The following FER1L6 variants were observed in gnomAD, a reference collection of about 807,000 sequenced individuals.
FER1L6 encodes fer-1-like protein 6.
In FER1L6, 177 loss-of-function variants were observed where a neutral mutation model predicts 219.2. That is an observed-to-expected ratio of 0.81 (90% CI 0.71 to 0.91). The LOEUF (loss-of-function observed/expected upper bound fraction) is 0.91, where lower values mean the gene tolerates loss of function less well. Ranked by LOEUF, FER1L6 falls within the 40% of genes least tolerant of loss-of-function variation. The pLI is 0.00. For synonymous variants in FER1L6, 768 were observed against 824.3 expected (o/e 0.93, Z 1.17); for missense variants, 2,153 against 2,259.9 (o/e 0.95, Z 0.96).
chr8:124,052,768 G>C (rs1586642815), intron 22 of FER1L6, among the ~76,000 whole-genome samples: 1 of 152,222 alleles, frequency 6.6e-6, no homozygotes, highest in East Asian at 1.9e-4. Flanking sequence ...CTGGGCGACA[G>C]AGCAAGACTC....
chr8:124,011,185 A>AAAACC (rs1261446311), intron 14 of FER1L6, among the ~76,000 whole-genome samples: 7 of 152,114 alleles, frequency 4.6e-5, no homozygotes, highest in Non-Finnish European at 8.8e-5. Context: ...ATATGTTGAA[A>AAAACC]AAACCAAGTT....
chr8:124,060,185 TC>T lies in FER1L6; in HGVS notation c.2882del (p.Pro961LeufsTer29), dbSNP rs1820495503. 2.5e-6 allele frequency: 4 copies of T among 1,613,770 alleles called. No individual in the cohort carries two copies. The highest frequency in any genetic ancestry group is 3.4e-6 in the Non-Finnish European group (4 of 1,179,778). ...LAVFELLQVPPSGLQGLPPVE... is the reference protein window; with the variant it reads ...LAVFELLQVPXSGLQGLPPVE... The stretch of plus-strand genomic sequence containing the variant: ...ATACTTGCCTTGTGCGGTAGGTTCC[TC>T]CTTCTGGGCTGCAAGGCCTCCCACC... On this transcript the variant is annotated frameshift_variant, in exon 23 of 41. Coordinates refer to ENST00000522917, the MANE Select transcript of FER1L6 (RefSeq NM_001039112.2). LOFTEE classifies it high-confidence loss of function.
rs778552240 is a variant in FER1L6 at position 124,091,531 on chromosome 8, G to T, written c.4500G>T (p.Gln1500His). The T allele has an allele frequency of 1.9e-6, 3 of 1,614,018 alleles. No individual in the cohort carries two copies. The highest frequency in any genetic ancestry group is 2.5e-6 in the Non-Finnish European group (3 of 1,179,914). The change falls in exon 34 of 41, where the codon CAG becomes CAT. Residue 1500 changes from glutamine (Q) to histidine (H), a missense_variant. By Grantham distance (24) the Gln-to-His change is conservative (BLOSUM62 0). Transcript: ENST00000522917. ...DGPYFHPGKI[Q>H]IGNQVFSGKT... ...CCTACTTTCACCCTGGGAAAATACA[G>T]ATAGGAAACCAAGTCTTTTCTGGAA...
At chr8:123,863,133 C>T (rs1230380358) in intron 1 of FER1L6, among the ~76,000 whole-genome samples, 2 of 114,126 alleles carry the variant, frequency 1.8e-5, no homozygotes, top group Non-Finnish European at 3.5e-5. Context: ...ATAAATTTCC[C>T]TCTACACACT....
At chr8:124,049,414 T>C (rs980687137) in intron 21 of FER1L6, among the ~76,000 whole-genome samples, 193 bp from the exon 22 acceptor site, 1 of 152,078 alleles carries the variant, frequency 6.6e-6, no homozygotes, top group African/African-American at 2.4e-5. Flanking sequence ...ATGACCCTTT[T>C]AGGAGCATGA....
intron 1 of FER1L6, among the ~76,000 whole-genome samples, chr8:123,882,193 T>A (rs1441916096): frequency 1.3e-5 from 2 of 150,604 alleles, no homozygotes; most frequent in Non-Finnish European, 1.5e-5. Context: ...TTTTTTTTTT[T>A]AAATAAAGTC....
chr8:124,113,722 C>G (rs1398107462), intron 39 of FER1L6, among the ~76,000 whole-genome samples: 2 of 152,262 alleles, frequency 1.3e-5, no homozygotes, highest in East Asian at 3.9e-4. Flanking sequence ...CTTGCTTTAT[C>G]TGGTTGTTTT....
chr8:124,100,352 G>A (rs1822495557), intron 37 of FER1L6, among the ~76,000 whole-genome samples: 1 of 152,178 alleles, frequency 6.6e-6, no homozygotes, highest in Non-Finnish European at 1.5e-5. Context: ...TAGGTAATTT[G>A]GAATGTCCAA....
chr8:124,002,753 G>T (rs1817474149), intron 12 of FER1L6, among the ~76,000 whole-genome samples: 2 of 134,278 alleles, frequency 1.5e-5, no homozygotes, highest in East Asian at 4.4e-4. Flanking sequence ...GAAGAAGCAG[G>T]TTTGGAAAGG....
intron 32 of FER1L6, among the ~76,000 whole-genome samples, chr8:124,077,821 A>C (rs1821358288): frequency 6.6e-6 from 1 of 152,108 alleles, no homozygotes; most frequent in African/African-American, 2.4e-5. Flanking sequence ...TTTAATTTTT[A>C]CTTAGGAACA....
At chr8:124,100,892 A>G (rs1822521284) in intron 37 of FER1L6, among the ~76,000 whole-genome samples, 1 of 152,100 alleles carries the variant, frequency 6.6e-6, no homozygotes, top group South Asian at 2.1e-4. Flanking sequence ...CCTGCCTTGA[A>G]ATGAGCCATT....
At chr8:123,937,566 G>T (rs2129969194) in intron 1 of FER1L6, among the ~76,000 whole-genome samples, 1 of 152,198 alleles carries the variant, frequency 6.6e-6, no homozygotes, top group South Asian at 2.1e-4. Flanking sequence ...GAAGATAGGA[G>T]GCAGTAACAA....
intron 2 of FER1L6, among the ~76,000 whole-genome samples, chr8:123,958,395 C>T (rs1815112702): frequency 6.6e-6 from 1 of 152,112 alleles, no homozygotes; most frequent in African/African-American, 2.4e-5. Context: ...GAGGGAGGAG[C>T]ATGGGTCAGG....
At chr8:124,103,546 T>C (rs1822634673) in intron 39 of FER1L6, among the ~76,000 whole-genome samples, 1 of 152,186 alleles carries the variant, frequency 6.6e-6, no homozygotes, top group Non-Finnish European at 1.5e-5. Context: ...TGGCATTAAT[T>C]TTTTTTCAAC....
In FER1L6 at chr8:123,962,046, C is replaced by T. The variant is rs376665216; in HGVS notation, c.77-1232C>T. Among the ~76,000 whole-genome samples the T allele has an allele frequency of 1.2e-4, 18 of 152,022 alleles. No homozygotes were observed. In the East Asian group the frequency reaches 1.7e-3, roughly 15 times the overall value. Reference sequence around the variant, plus strand: ...CTGGGACTACAGGTGCCCACCACCACGCCCAGCTAACTTTTTGTATTTTTA... The same window carrying T: ...CTGGGACTACAGGTGCCCACCACCATGCCCAGCTAACTTTTTGTATTTTTA... On this transcript the variant is annotated intron_variant, in intron 2 of 40. Transcript: ENST00000522917.
At chr8:124,008,295 A>C (rs374367509) in intron 13 of FER1L6, among the ~76,000 whole-genome samples, 1 of 152,196 alleles carries the variant, frequency 6.6e-6, no homozygotes, top group South Asian at 2.1e-4. Context: ...ATGGCTGAGT[A>C]GTATCCCATC....
intron 1 of FER1L6, among the ~76,000 whole-genome samples, chr8:123,940,376 C>T (rs1814188409): frequency 6.6e-6 from 1 of 152,066 alleles, no homozygotes; most frequent in Admixed American, 6.5e-5. Context: ...GAGACAGCGT[C>T]ACCCAGGTTG....
intron 17 of FER1L6, among the ~76,000 whole-genome samples, chr8:124,022,595 T>C (rs1045225956): frequency 1.3e-5 from 2 of 152,226 alleles, no homozygotes; most frequent in East Asian, 3.8e-4. Context: ...AACTAAAATA[T>C]CTTGCAATCA....
At chr8:123,928,824 T>C (rs4871434) in intron 1 of FER1L6, among the ~76,000 whole-genome samples, 61,772 of 152,040 alleles carry the variant, frequency 0.41, 12,908 homozygotes, top group South Asian at 0.52. Flanking sequence ...ATCAGTAGAA[T>C]AGGGTTATTT....
Sources: allele counts gnomAD v4.1 joint callset (sites outside exome capture counted in the v4.1 genomes callset), GRCh38; gene constraint gnomAD v4.1.1; transcripts MANE v1.5; gene names NCBI Gene and HGNC (gene_info 2026-07-23, HGNC 2026-07-21).